CRPPA: variants seen among roughly 807,000 people sequenced by gnomAD.
CRPPA encodes D-ribitol-5-phosphate cytidylyltransferase.
A neutral mutation model predicts 52.0 loss-of-function variants in CRPPA; 43 were observed. That is an observed-to-expected ratio of 0.83 (90% confidence interval 0.65 to 1.07). The LOEUF (loss-of-function observed/expected upper bound fraction) is 1.07. Ranked by LOEUF, CRPPA falls within the 50% of genes least tolerant of loss-of-function variation. The pLI, the probability that CRPPA is intolerant of heterozygous loss-of-function variation, is 0.00. For missense variants in CRPPA, 629 were observed against 551.7 expected (o/e 1.14, Z -1.40); for synonymous variants, 250 against 203.5 (o/e 1.23, Z -1.94).
At chr7:16,181,576 A>G (rs1048166926) in intron 9 of CRPPA, among the ~76,000 whole-genome samples, 3 of 152,046 alleles carry the variant, frequency 2.0e-5, no homozygotes, top group African/African-American at 7.2e-5. Context: ...ACCTAATGAC[A>G]TGAAATTGAT....
intron 8 of CRPPA, among the ~76,000 whole-genome samples, chr7:16,244,781 C>T (rs1215272075): frequency 6.6e-6 from 1 of 152,022 alleles, no homozygotes; most frequent in African/African-American, 2.4e-5. Flanking sequence ...ACTTGAAGAC[C>T]CTTGTATAAG....
intron 3 of CRPPA, among the ~76,000 whole-genome samples, chr7:16,318,675 C>T (rs538321408): frequency 6.6e-6 from 1 of 152,128 alleles, no homozygotes; most frequent in Non-Finnish European, 1.5e-5. Flanking sequence ...ACCAACCAGA[C>T]CATGCCTTCC....
chr7:16,179,440 T>A (rs973680863), intron 9 of CRPPA, among the ~76,000 whole-genome samples: 1 of 152,076 alleles, frequency 6.6e-6, no homozygotes, highest in African/African-American at 2.4e-5. Context: ...ATTATCTTTA[T>A]CTGAGTGGGG....
chr7:16,328,302 A>G (rs17169425), intron 3 of CRPPA, among the ~76,000 whole-genome samples: 12,162 of 152,210 alleles, frequency 0.08, 802 homozygotes, highest in African/African-American at 0.18. Context: ...ACGTTTCATT[A>G]CGCAAAAATT....
intron 8 of CRPPA, among the ~76,000 whole-genome samples, chr7:16,234,360 T>G (rs1562574843): frequency 6.6e-6 from 1 of 152,076 alleles, no homozygotes; most frequent in Non-Finnish European, 1.5e-5. Flanking sequence ...AAATAAGACA[T>G]AAGCAGTCAT....
chr7:16,207,024 C>A (rs1781990363), intron 9 of CRPPA, among the ~76,000 whole-genome samples: 1 of 152,094 alleles, frequency 6.6e-6, no homozygotes, highest in Non-Finnish European at 1.5e-5. Flanking sequence ...CATTACACAC[C>A]TTTCTGATTC....
At position 16,378,796 on chromosome 7, in the gene CRPPA, T is replaced by C. The variant is rs867116624; in HGVS notation, c.535-2555A>G. Reference sequence around the variant, plus strand: ...TGTTGTTTCCTGACTTTTTAATGATTGCCATTCTAACTTGTGTGAGATGGT... The same window carrying C: ...TGTTGTTTCCTGACTTTTTAATGATCGCCATTCTAACTTGTGTGAGATGGT... On this transcript the variant is annotated intron_variant, in intron 2 of 9. Coordinates refer to ENST00000407010, the MANE Select transcript of CRPPA (RefSeq NM_001101426.4). 3.0e-3 allele frequency among the ~76,000 whole-genome samples: 454 copies of C among 152,208 alleles called. 2 individuals carry two copies. The highest frequency in any genetic ancestry group is 9.9e-3 in the African/African-American group (412 of 41,526).
At chr7:16,278,607 T>C (rs1784258368) in intron 5 of CRPPA, among the ~76,000 whole-genome samples, 1 of 152,234 alleles carries the variant, frequency 6.6e-6, no homozygotes, top group South Asian at 2.1e-4. Flanking sequence ...AGATTCACTC[T>C]TTAGGCCATA....
chr7:16,174,823 G>A (rs1781261547), intron 9 of CRPPA, among the ~76,000 whole-genome samples: 1 of 152,040 alleles, frequency 6.6e-6, no homozygotes. Context: ...GAGCTTCAAA[G>A]GAACCCTTAC....
intron 2 of CRPPA, among the ~76,000 whole-genome samples, chr7:16,388,456 G>A (rs563578711): frequency 1.3e-5 from 2 of 152,104 alleles, no homozygotes; most frequent in African/African-American, 4.8e-5. Context: ...TTCTAGACAA[G>A]TGTAATTTTT....
rs1203501612 is a variant in CRPPA at position 16,308,588 on chromosome 7, G to A, written c.724C>T (p.Gln242Ter). 1 of 1,610,694 alleles carries A rather than the reference G, an allele frequency of 6.2e-7. No individual in the cohort carries two copies. The highest frequency in any genetic ancestry group is 8.5e-7 in the Non-Finnish European group (1 of 1,178,054). ...YDLEFGTECL[Q>*]LALKYCCTKA... ...GTGCAACAGTATTTTAGGGCCAATT[G>A]CAAACACTCAGTTCCAAATTCCAAG... is the stretch of plus-strand genomic sequence containing the variant. The change falls in exon 4 of 10, where the codon CAA becomes TAA. Residue 242 changes from glutamine to a stop codon, truncating the protein, a stop_gained. Transcript: ENST00000407010. LOFTEE classifies it high-confidence loss of function.
chr7:16,331,101 G>A (rs1785541356), intron 3 of CRPPA, among the ~76,000 whole-genome samples: 1 of 152,138 alleles, frequency 6.6e-6, no homozygotes, highest in South Asian at 2.1e-4. Flanking sequence ...CCGAGTTCAC[G>A]CCATTCTCCT....
chr7:16,090,969 A>G lies in CRPPA; in HGVS notation c.*726T>C, dbSNP rs1309907115. On this transcript the variant is annotated 3_prime_UTR_variant, in exon 10 of 10. Coordinates refer to ENST00000407010, the MANE Select transcript of CRPPA (RefSeq NM_001101426.4). ...ATAGAAGATAACTAACCAGGGATTG[A>G]CCAGAATCACCTACGAAACTTTCCA... is the stretch of plus-strand genomic sequence containing the variant. 1 of 152,252 alleles carries G rather than the reference A, an allele frequency of 6.6e-6. No individual in the cohort carries two copies. The highest frequency in any genetic ancestry group is 2.4e-5 in the African/African-American group (1 of 41,466). The allele number at this position is 152,252 out of a possible 1,614,324, so 9.4% of individuals were successfully genotyped here.
chr7:16,231,935 A>C (rs970670135), intron 8 of CRPPA, among the ~76,000 whole-genome samples: 2 of 152,200 alleles, frequency 1.3e-5, no homozygotes, highest in Non-Finnish European at 2.9e-5. Flanking sequence ...GACATGGTAC[A>C]TGGAGGAATC....
In CRPPA at chr7:16,278,148, A is replaced by C. The variant is rs370397489; in HGVS notation, c.914T>G (p.Val305Gly). The C allele has an allele frequency of 2.4e-5, 38 of 1,557,594 alleles. No individual in the cohort carries two copies. The East Asian group carries it at 3.1e-4, about 13-fold the overall frequency. Residue 305 changes from valine (V) to glycine (G), a missense_variant, in exon 6 of 10, where the codon GTG (valine) becomes GGG (glycine). Physicochemically the swap from Val to Gly is moderately radical, Grantham distance 109 (BLOSUM62 -3). Coordinates refer to ENST00000407010, the MANE Select transcript of CRPPA (RefSeq NM_001101426.4). Reference sequence around the variant, plus strand: ...ACTTACATTTAATTCACTTTTCAGCACTTCTTCAAGAAGATGACCTACATG... The same window carrying C: ...ACTTACATTTAATTCACTTTTCAGCCCTTCTTCAAGAAGATGACCTACATG... ...NKHVGHLLEE[V>G]LKSELNHVKV...
chr7:16,157,575 T>C (rs758927052), intron 9 of CRPPA, among the ~76,000 whole-genome samples: 4 of 152,206 alleles, frequency 2.6e-5, no homozygotes, highest in Non-Finnish European at 4.4e-5. Flanking sequence ...AATAATGATA[T>C]GCCTTATGTT....
intron 9 of CRPPA, among the ~76,000 whole-genome samples, chr7:16,185,025 G>C (rs747428160): frequency 6.6e-6 from 1 of 152,100 alleles, no homozygotes; most frequent in Non-Finnish European, 1.5e-5. Context: ...AGTGGTTCTA[G>C]GTACCATAGA....
At chr7:16,411,117 G>C (rs775862124) in intron 1 of CRPPA, among the ~76,000 whole-genome samples, 2 of 152,206 alleles carry the variant, frequency 1.3e-5, no homozygotes, top group African/African-American at 2.4e-5. Context: ...TGGAATGTTT[G>C]CTAGGTACCA....
At chr7:16,399,529 C>T (rs556214539) in intron 2 of CRPPA, among the ~76,000 whole-genome samples, 18 of 152,074 alleles carry the variant, frequency 1.2e-4, no homozygotes, top group African/African-American at 4.3e-4. Flanking sequence ...ATGATTGACA[C>T]GTGACTGACA....
Sources: allele counts gnomAD v4.1 joint callset (sites outside exome capture counted in the v4.1 genomes callset), GRCh38; gene constraint gnomAD v4.1.1; transcripts MANE v1.5; gene names NCBI Gene and HGNC (gene_info 2026-07-23, HGNC 2026-07-21).